SCCPDH: variants seen among roughly 807,000 people sequenced by gnomAD.
SCCPDH encodes saccharopine dehydrogenase (putative).
In SCCPDH, 34 loss-of-function variants were observed where a neutral mutation model predicts 51.5. The ratio of observed to expected loss-of-function variants is 0.66; its 90% CI spans 0.50 to 0.88. The LOEUF is 0.88. SCCPDH is among the 40% of genes least tolerant of loss of function. The pLI is 0.00. For synonymous variants in SCCPDH, 187 were observed against 191.3 expected (o/e 0.98, Z 0.19); for missense variants, 464 against 527.1 (o/e 0.88, Z 1.17).
intron 2 of SCCPDH, among the ~76,000 whole-genome samples, chr1:246,734,944 C>T (rs1668545546): frequency 6.6e-6 from 1 of 152,190 alleles, no homozygotes; most frequent in African/African-American, 2.4e-5. Context: ...AATATCTGCT[C>T]TGTTCAGTAT....
At chr1:246,743,588 A>G (rs1558169879) in intron 4 of SCCPDH, among the ~76,000 whole-genome samples, 1 of 151,868 alleles carries the variant, frequency 6.6e-6, no homozygotes, top group Non-Finnish European at 1.5e-5. Context: ...TCTCAAAAAA[A>G]AAAAAGAAAG....
At chr1:246,727,057 C>T (rs991829244) in intron 2 of SCCPDH, 53 bp downstream of exon 2, 5 of 1,302,926 alleles carry the variant, frequency 3.8e-6, no homozygotes, top group Non-Finnish European at 5.6e-6. Context: ...TCATTTCTAG[C>T]AAAATATTCC....
chr1:246,759,180 AAG>A (rs1298525351), intron 7 of SCCPDH, 29 bp downstream of exon 7: 1 of 1,177,132 alleles, frequency 8.5e-7, no homozygotes, highest in East Asian at 2.3e-5. Context: ...TTTATCAATA[AAG>A]TGTGTGTTAC....
chr1:246,747,071 A>G (rs574922261), intron 5 of SCCPDH, among the ~76,000 whole-genome samples: 3 of 152,318 alleles, frequency 2.0e-5, no homozygotes, highest in East Asian at 1.9e-4. Flanking sequence ...CATGTAACCA[A>G]ATGCCTGAGA....
intron 2 of SCCPDH, among the ~76,000 whole-genome samples, chr1:246,734,942 C>G (rs1359818233): frequency 6.6e-6 from 1 of 152,160 alleles, no homozygotes; most frequent in African/African-American, 2.4e-5. Flanking sequence ...AGAATATCTG[C>G]TCTGTTCAGT....
At chr1:246,750,721 T>C (rs1668840036) in intron 5 of SCCPDH, among the ~76,000 whole-genome samples, 1 of 152,224 alleles carries the variant, frequency 6.6e-6, no homozygotes, top group Non-Finnish European at 1.5e-5. Flanking sequence ...CAGTTGTACT[T>C]GAAAAGGGAA....
chr1:246,739,609 C>T lies in SCCPDH; in HGVS notation c.385-563C>T, dbSNP rs574025968. Among the ~76,000 whole-genome samples, 18 of 152,264 alleles carry T rather than the reference C, an allele frequency of 1.2e-4. No individual in the cohort carries two copies. In the South Asian group the frequency reaches 2.9e-3, roughly 25 times the overall value. The stretch of plus-strand genomic sequence containing the variant: ...GTCAGTACTGGTTCATTAATTGTAA[C>T]CACTGTTCATGTAAAAGATGTTAAA... On this transcript the variant is annotated intron_variant, in intron 3 of 11. Coordinates refer to ENST00000366510, the MANE Select transcript of SCCPDH (RefSeq NM_016002.3).
intron 4 of SCCPDH, 90 bp from the exon 5 acceptor site, chr1:246,743,986 C>T (rs1298990982): frequency 2.7e-6 from 2 of 737,252 alleles, no homozygotes; most frequent in Non-Finnish European, 4.7e-6. Context: ...AAGCTAGTCC[C>T]TAAGTGAATA....
intron 5 of SCCPDH, among the ~76,000 whole-genome samples, chr1:246,747,421 C>T (rs1052250476): frequency 2.0e-5 from 3 of 152,194 alleles, no homozygotes; most frequent in Admixed American, 6.5e-5. Context: ...CACGGTGGCT[C>T]ATGCCTATAA....
At chr1:246,758,415 T>G (rs962994803) in intron 6 of SCCPDH, 59 bp downstream of exon 6, 3 of 1,308,136 alleles carry the variant, frequency 2.3e-6, no homozygotes, top group Non-Finnish European at 2.1e-6. Flanking sequence ...GTTGTTGGGT[T>G]GGCTATTAAT....
intron 5 of SCCPDH, among the ~76,000 whole-genome samples, chr1:246,754,674 C>T (rs1042529967): frequency 3.3e-5 from 5 of 152,188 alleles, no homozygotes; most frequent in African/African-American, 9.7e-5. Flanking sequence ...GTGAGAGGGT[C>T]GTGATCCACT....
chr1:246,726,619 C>T (rs1668404062), intron 1 of SCCPDH, among the ~76,000 whole-genome samples: 2 of 152,186 alleles, frequency 1.3e-5, no homozygotes, highest in African/African-American at 2.4e-5. Flanking sequence ...TGTCATGTTA[C>T]ACAGGGTTGT....
At chr1:246,740,905 A>G (rs1248472607) in intron 4 of SCCPDH, among the ~76,000 whole-genome samples, 1 of 151,694 alleles carries the variant, frequency 6.6e-6, no homozygotes, top group African/African-American at 2.4e-5. Context: ...ACATAGTAAG[A>G]CTCGTCCCTA....
At chr1:246,761,971 GT>G (rs1669022888) in intron 9 of SCCPDH, among the ~76,000 whole-genome samples, 1 of 152,198 alleles carries the variant, frequency 6.6e-6, no homozygotes, top group Non-Finnish European at 1.5e-5. Flanking sequence ...CCACTAAACT[GT>G]TCTGCAGAGC....
intron 5 of SCCPDH, among the ~76,000 whole-genome samples, chr1:246,753,283 A>C (rs1668881771): frequency 6.6e-6 from 1 of 151,888 alleles, no homozygotes. Flanking sequence ...ATCTCTTCTT[A>C]CATACACTTT....
chr1:246,735,948 A>C (rs527496870), intron 2 of SCCPDH, 27 bp from the exon 3 acceptor site: 1 of 1,465,074 alleles, frequency 6.8e-7, no homozygotes, highest in East Asian at 2.3e-5. Context: ...AGCAAGAATA[A>C]CCTCTTTGTT....
intron 2 of SCCPDH, among the ~76,000 whole-genome samples, chr1:246,735,677 G>A (rs1462168382): frequency 1.3e-5 from 2 of 152,170 alleles, no homozygotes; most frequent in African/African-American, 4.8e-5. Flanking sequence ...GATTACAGGT[G>A]TGTGCCACCA....
At position 246,765,150 on chromosome 1, in the gene SCCPDH, G is replaced by A. The variant is rs113103973; in HGVS notation, c.1102+793G>A. Among the ~76,000 whole-genome samples, 371 of 81,964 alleles carry A rather than the reference G, an allele frequency of 4.5e-3. 3 individuals are homozygous for A. The highest frequency in any genetic ancestry group is 0.015 in the African/African-American group (331 of 22,246). 53.8% of individuals were successfully genotyped at this position (81,964 alleles called of 152,430 possible). ...ACAGACAGGTCCACTTGTGAACTGTGGTATAATTACTGTCAGAGACAGACA... is the reference window on the plus strand; with the variant it reads ...ACAGACAGGTCCACTTGTGAACTGTAGTATAATTACTGTCAGAGACAGACA... On this transcript the variant is annotated intron_variant, in intron 10 of 11. Transcript: ENST00000366510.
In SCCPDH at chr1:246,733,615, A is replaced by G. The variant is rs1358292369; in HGVS notation, c.304-2360A>G. ...AGCCACCACACCTGGCCTAGAGGCT[A>G]CACATTGAAGCACGTGCTAGGAAGT... On this transcript the variant is annotated intron_variant, in intron 2 of 11. Coordinates refer to ENST00000366510, the MANE Select transcript of SCCPDH (RefSeq NM_016002.3). 3.3e-5 allele frequency among the ~76,000 whole-genome samples: 5 copies of G among 152,012 alleles called. No homozygotes were observed. The East Asian group carries it at 7.7e-4, about 23-fold the overall frequency.
Sources: allele counts gnomAD v4.1 joint callset (sites outside exome capture counted in the v4.1 genomes callset), GRCh38; gene constraint gnomAD v4.1.1; transcripts MANE v1.5; gene names NCBI Gene and HGNC (gene_info 2026-07-23, HGNC 2026-07-21).